Variants in NPNT observed in about 807,000 individuals in gnomAD.
NPNT encodes the protein preosteoblast EGF-like repeat protein with MAM domain.
A neutral mutation model predicts 68.6 loss-of-function variants in NPNT; 45 were observed. The ratio of observed to expected loss-of-function variants is 0.66; its 90% CI spans 0.52 to 0.84. NPNT has a LOEUF of 0.84. NPNT is among the 40% of genes least tolerant of loss of function. The pLI is 0.00. For missense variants in NPNT, 672 were observed against 714.8 expected, an observed-to-expected ratio of 0.94 and a Z score of 0.68; for synonymous variants, 233 against 253.3, an observed-to-expected ratio of 0.92 and a Z score of 0.76.
In NPNT at chr4:105,971,357, G is replaced by A. The variant is rs1383375755; in HGVS notation, c.*2367G>A. ...GTCTTCTGTCATTTAACCTGGTAAA[G>A]GCAGGGCTGGAGGGGGAAAATAAAT... On this transcript the variant is annotated 3_prime_UTR_variant, in exon 12 of 12. Coordinates refer to ENST00000379987, the MANE Select transcript of NPNT (RefSeq NM_001033047.3). The A allele has an allele frequency of 3.8e-6, 1 of 261,874 alleles. No individual in the cohort carries two copies. Among genetic ancestry groups the A allele is most frequent in the Non-Finnish European group, 8.1e-6 (1 of 123,696 alleles). The allele number at this position is 261,874 out of a possible 1,614,324, so 16.2% of individuals were successfully genotyped here. A position where few individuals can be genotyped will look rare whatever the true frequency, so the allele number is the denominator to read the frequency against.
intron 3 of NPNT, 60 bp from the exon 4 acceptor site, chr4:105,936,949 A>G (rs769557664): frequency 1.6e-5 from 24 of 1,524,860 alleles, no homozygotes; most frequent in Admixed American, 2.2e-5. Context: ...AGAATTTTAG[A>G]TGGCTTACAT....
chr4:105,912,834 T>A (rs1727477748), intron 2 of NPNT, among the ~76,000 whole-genome samples: 1 of 152,212 alleles, frequency 6.6e-6, no homozygotes, highest in Non-Finnish European at 1.5e-5. Context: ...GGAATTGTAA[T>A]GTTTAATGGA....
At chr4:105,945,258 G>A (rs1012557666) in intron 8 of NPNT, among the ~76,000 whole-genome samples, 32 of 152,070 alleles carry the variant, frequency 2.1e-4, no homozygotes, top group Admixed American at 1.1e-3. Context: ...ATGTATGTGC[G>A]TTGTTGCCCT....
chr4:105,922,346 T>C (rs1728318747), intron 2 of NPNT, among the ~76,000 whole-genome samples: 1 of 151,908 alleles, frequency 6.6e-6, no homozygotes, highest in African/African-American at 2.4e-5. Context: ...TTAGAAACTA[T>C]TGTCCAACTC....
rs564502320 is a variant in NPNT at position 105,969,703 on chromosome 4, G to A, written c.*713G>A. On this transcript the variant is annotated 3_prime_UTR_variant, in exon 12 of 12. Coordinates refer to ENST00000379987, the MANE Select transcript of NPNT (RefSeq NM_001033047.3). ...AATATTTACAGACTCTAGTTGCAAG[G>A]TAAAGGGCAGCTTGTGATCTCAAAA... is the stretch of plus-strand genomic sequence containing the variant. 1 of 152,276 alleles carries A rather than the reference G, an allele frequency of 6.6e-6. No homozygotes were observed. The highest frequency in any genetic ancestry group is 2.1e-4 in the South Asian group (1 of 4,822). The allele number at this position is 152,276 out of a possible 1,614,324, so 9.4% of individuals were successfully genotyped here.
At chr4:105,929,808 G>A (rs528128993) in intron 3 of NPNT, among the ~76,000 whole-genome samples, 1 of 152,316 alleles carries the variant, frequency 6.6e-6, no homozygotes, top group Non-Finnish European at 1.5e-5. Flanking sequence ...ACTTTAACAT[G>A]CTTTAAAGAC....
At chr4:105,932,619 C>CACAT in intron 3 of NPNT, 1 of 1,534,934 alleles carries the variant, frequency 6.5e-7, no homozygotes, top group Non-Finnish European at 8.7e-7. Context: ...TGAAGACGAG[C>CACAT]ACATCCCAGC....
chr4:105,928,047 T>A (rs2149355560), intron 3 of NPNT, among the ~76,000 whole-genome samples: 1 of 152,308 alleles, frequency 6.6e-6, no homozygotes, highest in Admixed American at 6.5e-5. Flanking sequence ...CATTAGGAAG[T>A]AGAGCATTAT....
chr4:105,898,120 G>T, intron 2 of NPNT, 119 bp downstream of exon 2: 1 of 648,492 alleles, frequency 1.5e-6, no homozygotes, highest in Non-Finnish European at 2.6e-6. Flanking sequence ...TTGCAGGTCT[G>T]ACTTGGGGAT....
At chr4:105,907,057 A>G (rs1726958915) in intron 2 of NPNT, among the ~76,000 whole-genome samples, 1 of 152,206 alleles carries the variant, frequency 6.6e-6, no homozygotes, top group Non-Finnish European at 1.5e-5. Context: ...CCGGGGAGTC[A>G]AAGTAACCTC....
chr4:105,970,001 A>C lies in NPNT; in HGVS notation c.*1011A>C, dbSNP rs1433711448. 3 of 168,110 alleles carry C rather than the reference A, an allele frequency of 1.8e-5. No individual in the cohort carries two copies. The highest frequency in any genetic ancestry group is 7.2e-5 in the African/African-American group (3 of 41,814). 10.4% of individuals were successfully genotyped at this position (168,110 alleles called of 1,614,324 possible). A position where few individuals can be genotyped will look rare whatever the true frequency, so the allele number is the denominator to read the frequency against. On this transcript the variant is annotated 3_prime_UTR_variant, in exon 12 of 12. Transcript: ENST00000379987. The stretch of plus-strand genomic sequence containing the variant: ...GGAAGCTTTATAAAAGTTTTGGTTG[A>C]TTCAGAAAAAGGATCCTGTTGCAGA...
chr4:105,947,255 A>C (rs976813972), intron 8 of NPNT, among the ~76,000 whole-genome samples: 4 of 152,142 alleles, frequency 2.6e-5, no homozygotes, highest in Admixed American at 6.6e-5. Context: ...TACTGATTTC[A>C]TATTGTTCAA....
rs906801326 is a variant in NPNT at position 105,932,685 on chromosome 4, A to G, written c.266-4324A>G. On this transcript the variant is annotated intron_variant, in intron 3 of 11. Transcript: ENST00000379987. ...TTTCCAACCCCTGGATCACCAAGCC[A>G]CAAGTTTGCCTTCAAGGGGTGAGCG... is the stretch of plus-strand genomic sequence containing the variant. 20 of 1,535,870 alleles carry G rather than the reference A, an allele frequency of 1.3e-5. No individual in the cohort carries two copies. The African/African-American group carries it at 1.9e-4, about 15-fold the overall frequency.
chr4:105,903,221 T>G (rs530586732), intron 2 of NPNT, among the ~76,000 whole-genome samples: 1 of 152,370 alleles, frequency 6.6e-6, no homozygotes, highest in Non-Finnish European at 1.5e-5. Context: ...TGTGTGTAAC[T>G]TCCAGCATTT....
In NPNT at chr4:105,958,513, TAGAA is replaced by T. The variant is rs1195269303; in HGVS notation, c.1206_1209del (p.Arg403GlufsTer50). On this transcript the variant is annotated frameshift_variant, in exon 9 of 12. Transcript: ENST00000379987. LOFTEE classifies it high-confidence loss of function. ...AATGACTTGTTTGAAATATTTGAAA[TAGAA>T]AGAGGAGTCAGTGCAGACGATGAAG... 8 of 1,611,824 alleles carry T rather than the reference TAGAA, an allele frequency of 5.0e-6. No homozygotes were observed. Among genetic ancestry groups the T allele is most frequent in the Non-Finnish European group, 6.8e-6 (8 of 1,178,596 alleles).
At chr4:105,930,663 T>C (rs1729041997) in intron 3 of NPNT, among the ~76,000 whole-genome samples, 1 of 152,202 alleles carries the variant, frequency 6.6e-6, no homozygotes, top group African/African-American at 2.4e-5. Context: ...AACTGGAAAT[T>C]AGCTTTTGAT....
intron 7 of NPNT, among the ~76,000 whole-genome samples, chr4:105,941,661 A>T (rs1729964432): frequency 1.3e-5 from 2 of 152,214 alleles, no homozygotes; most frequent in Non-Finnish European, 2.9e-5. Flanking sequence ...TTTGATGAAG[A>T]TTATCAAGGA....
At chr4:105,940,333 A>G in intron 6 of NPNT, 124 bp downstream of exon 6, 2 of 1,103,638 alleles carry the variant, frequency 1.8e-6, no homozygotes, top group South Asian at 1.4e-5. Context: ...AAACCAACAG[A>G]CATCCAGTTT....
chr4:105,940,501 C>G lies in NPNT; in HGVS notation c.641-13C>G. 6.2e-7 allele frequency: 1 copy of G among 1,607,094 alleles called. No homozygotes were observed. Among genetic ancestry groups the G allele is most frequent in the South Asian group, 1.1e-5 (1 of 89,478 alleles). ...CCTAAATAAGTCTCTTCTTTTCCTA[C>G]TTTCTGATGCAGACATAGACGAATG... On this transcript the variant is annotated splice_polypyrimidine_tract_variant and intron_variant, in intron 6 of 11. Coordinates refer to ENST00000379987, the MANE Select transcript of NPNT (RefSeq NM_001033047.3).
Sources: gnomAD v4.1 joint callset for allele counts (sites outside exome capture counted in the v4.1 genomes callset) on GRCh38, gnomAD v4.1.1 for gene constraint, MANE v1.5 for transcripts, NCBI Gene and HGNC (gene_info 2026-07-23, HGNC 2026-07-21) for gene names.